Variants in COL6A3 observed in about 807,000 individuals in gnomAD.
COL6A3 encodes collagen alpha-3(VI) chain.
COL6A3 carries 137 observed loss-of-function variants against 274.1 expected under a neutral mutation model. The observed-to-expected ratio is 0.50, with a 90% CI of 0.44 to 0.58. The LOEUF is 0.58. Among genes scored for constraint, COL6A3 ranks in the 20% least tolerant of loss-of-function variants. COL6A3 has a pLI of 0.00. For synonymous variants in COL6A3, 1,650 were observed against 1,650.6 expected, an observed-to-expected ratio of 1.00 and a Z score of 0.01; for missense variants, 3,950 against 4,124.9, an observed-to-expected ratio of 0.96 and a Z score of 1.16.
At chr2:237,336,053 T>C (rs1700524809) in intron 40 of COL6A3, 82 bp downstream of exon 40, 1 of 1,540,536 alleles carries the variant, frequency 6.5e-7, no homozygotes, top group Non-Finnish European at 8.9e-7. Flanking sequence ...CTGAGTGTGT[T>C]ACATGCAGGC....
At chr2:237,401,414 GT>G (rs2078586522) in intron 1 of COL6A3, among the ~76,000 whole-genome samples, 1 of 151,060 alleles carries the variant, frequency 6.6e-6, no homozygotes, top group African/African-American at 2.4e-5. Flanking sequence ...TAGTGCACAG[GT>G]TTTTTTCTTC....
rs113247852 is a variant in COL6A3, at chr2:237,372,156, G to A, written c.3861C>T (p.Asn1287=). The change falls in exon 9 of 44, where the codon AAC becomes AAT. Residue 1287 remains asparagine (N), a synonymous_variant. Coordinates refer to ENST00000295550, the MANE Select transcript of COL6A3 (RefSeq NM_004369.4). ...SDDPKVEFLL[N]AHSSKDEVQN... The stretch of plus-strand genomic sequence containing the variant: ...GCACTTCATCCTTGCTGGAATGGGC[G>A]TTCAGCAGGAACTCCACCTTGGGGT... 3.4e-5 allele frequency: 55 copies of A among 1,613,994 alleles called. No homozygotes were observed. Among genetic ancestry groups the A allele is most frequent in the East Asian group, 2.0e-4 (9 of 44,876 alleles).
intron 26 of COL6A3, 149 bp from the exon 27 acceptor site, chr2:237,351,341 G>A: frequency 1.4e-6 from 1 of 736,366 alleles, no homozygotes; most frequent in Non-Finnish European, 2.5e-6. Flanking sequence ...ACTCAGCTCT[G>A]AGCACGGGGC....
intron 6 of COL6A3, among the ~76,000 whole-genome samples, chr2:237,378,221 T>C (rs2077902661): frequency 6.6e-6 from 1 of 152,254 alleles, no homozygotes; most frequent in Non-Finnish European, 1.5e-5. Flanking sequence ...ATACAGCAGA[T>C]GTTGAACATT....
chr2:237,373,938 T>C (rs938197668), intron 8 of COL6A3, among the ~76,000 whole-genome samples: 8 of 152,160 alleles, frequency 5.3e-5, no homozygotes, highest in Non-Finnish European at 1.0e-4. Flanking sequence ...GTCAAAATTA[T>C]CTTCACACCT....
At chr2:237,380,819 T>C in intron 5 of COL6A3, 96 bp downstream of exon 5, 2 of 1,143,870 alleles carry the variant, frequency 1.7e-6, no homozygotes, top group Middle Eastern at 2.8e-4. Context: ...ATTTGTTGTC[T>C]CTTAGCTAAA....
At chr2:237,346,367 G>A (rs2077097210) in intron 32 of COL6A3, 136 bp downstream of exon 32, 1 of 737,604 alleles carries the variant, frequency 1.4e-6, no homozygotes, top group African/African-American at 1.8e-5. Flanking sequence ...TGATGTCAGA[G>A]AGGCGGTTTG....
intron 42 of COL6A3, among the ~76,000 whole-genome samples, chr2:237,331,976 G>A (rs1700249849): frequency 6.8e-6 from 1 of 146,340 alleles, no homozygotes; most frequent in African/African-American, 2.5e-5. Context: ...ATCACAGGTA[G>A]ACAGGCGATC....
Position 237,371,630 on chromosome 2 carries a change from C to A in COL6A3, c.4285+102G>T. 2 of 1,510,122 alleles carry A rather than the reference C, an allele frequency of 1.3e-6. No homozygotes were observed. The highest frequency in any genetic ancestry group is 1.4e-5 in the South Asian group (1 of 72,938). 93.5% of individuals were successfully genotyped at this position (1,510,122 alleles called of 1,614,324 possible). A position where few individuals can be genotyped will look rare whatever the true frequency, so the allele number is the denominator to read the frequency against. On this transcript the variant is annotated intron_variant, in intron 9 of 43. Coordinates refer to ENST00000295550, the MANE Select transcript of COL6A3 (RefSeq NM_004369.4). The surrounding 1 kb of genome is among the most constrained non-coding windows in gnomAD (Gnocchi z 4.3). ...AAACCATAAAGGTAAGGGCATACAA[C>A]CTTTATTTTAATTTAATTTATTATG... is the stretch of plus-strand genomic sequence containing the variant.
chr2:237,350,919 T>C (rs1002797835), intron 27 of COL6A3, among the ~76,000 whole-genome samples: 1 of 152,078 alleles, frequency 6.6e-6, no homozygotes, highest in Non-Finnish European at 1.5e-5. Flanking sequence ...TGAGCAGAGA[T>C]GGTTGGTGGC....
intron 16 of COL6A3, among the ~76,000 whole-genome samples, chr2:237,360,546 G>C (rs1433022859): frequency 6.6e-6 from 1 of 152,120 alleles, no homozygotes; most frequent in Non-Finnish European, 1.5e-5. Context: ...CTGGGCCCTG[G>C]TGACCACACT....
intron 9 of COL6A3, among the ~76,000 whole-genome samples, chr2:237,370,229 T>C (rs1027109058): frequency 6.6e-6 from 1 of 151,082 alleles, no homozygotes; most frequent in African/African-American, 2.4e-5. Flanking sequence ...TTCTATTAAA[T>C]AACTGGTTTA....
intron 28 of COL6A3, 102 bp from the exon 29 acceptor site, chr2:237,348,765 C>T: frequency 3.9e-6 from 4 of 1,017,850 alleles, no homozygotes; most frequent in African/African-American, 3.1e-5. Context: ...TCCTTGAGCT[C>T]CTGAAATGTT....
rs776312405 is a variant in COL6A3 at position 237,374,516 on chromosome 2, C to T, written c.3575G>A (p.Arg1192His). 5 of 1,614,006 alleles carry T rather than the reference C, an allele frequency of 3.1e-6. No homozygotes were observed. The highest frequency in any genetic ancestry group is 2.2e-5 in the East Asian group (1 of 44,882). The change falls in exon 8 of 44, where the codon CGC becomes CAC. Residue 1192 changes from arginine to histidine, a missense_variant. This residue lies in a region of COL6A3 where 1,934 missense variants were observed against 1,984.3 expected (regional missense o/e 0.97). Coordinates refer to ENST00000295550, the MANE Select transcript of COL6A3 (RefSeq NM_004369.4). This position sits in a 1 kb window ranked among gnomAD's most constrained non-coding sequence, Gnocchi z 4.8. ...PDFAVAIPTFRQLGTVQQVIS... is the reference protein window; with the variant it reads ...PDFAVAIPTFHQLGTVQQVIS... ...GACCTGTTGGACGGTCCCCAGCTGG[C>T]GAAAGGTGGGAATGGCCACGGCAAA...
rs1178130092 is a variant in COL6A3, at chr2:237,396,844, G to A, written c.-27C>T. On this transcript the variant is annotated 5_prime_UTR_variant, in exon 2 of 44. Coordinates refer to ENST00000295550, the MANE Select transcript of COL6A3 (RefSeq NM_004369.4). ...TTGAATTTGTCTAAGCACCAAATATGAACCTAAAAGAGAAAACAGGGCAAA... is the reference window on the plus strand; with the variant it reads ...TTGAATTTGTCTAAGCACCAAATATAAACCTAAAAGAGAAAACAGGGCAAA... 2 of 1,602,364 alleles carry A rather than the reference G, an allele frequency of 1.2e-6. No homozygotes were observed. The highest frequency in any genetic ancestry group is 1.7e-6 in the Non-Finnish European group (2 of 1,169,446).
chr2:237,381,493 T>A lies in COL6A3; in HGVS notation c.1319A>T (p.Glu440Val). The change falls in exon 5 of 44, where the codon GAA becomes GTA. Residue 440 changes from glutamate (E) to valine (V), a missense_variant. Around this residue, in one of 5 missense-constraint regions of COL6A3, gnomAD observed 1,934 missense variants for 1,984.3 expected, o/e 0.97. Coordinates refer to ENST00000295550, the MANE Select transcript of COL6A3 (RefSeq NM_004369.4). ...GAAGACTATGTCTCTCTTGTTGACT[T>A]CAATGACTGTAGGTGGCAACATTAT... is the stretch of plus-strand genomic sequence containing the variant. ...KPPTIVTQVI[E>V]VNKRDIVFLV... 1 of 1,601,442 alleles carries A rather than the reference T, an allele frequency of 6.2e-7. No individual in the cohort carries two copies. Among genetic ancestry groups the A allele is most frequent in the Non-Finnish European group, 8.5e-7 (1 of 1,179,388 alleles).
chr2:237,350,193 G>C lies in COL6A3; in HGVS notation c.6833C>G (p.Pro2278Arg). ...PLGRKGEPGEPGPKGGIGNRG... is the reference protein window; with the variant it reads ...PLGRKGEPGERGPKGGIGNRG... ...GTTCCCGATTCCTCCTTTTGGTCCT[G>C]GCTCTCCGGGCTCACCCTAGACATG... is the stretch of plus-strand genomic sequence containing the variant. Residue 2278 changes from proline (P) to arginine (R), a missense_variant, in exon 28 of 44, where the codon CCA becomes CGA. Coordinates refer to ENST00000295550, the MANE Select transcript of COL6A3 (RefSeq NM_004369.4). The C allele has an allele frequency of 6.2e-7, 1 of 1,614,036 alleles. No individual in the cohort carries two copies. Among genetic ancestry groups the C allele is most frequent in the Non-Finnish European group, 8.5e-7 (1 of 1,179,952 alleles).
At chr2:237,360,378 T>C (rs922332612) in intron 16 of COL6A3, among the ~76,000 whole-genome samples, 4 of 152,068 alleles carry the variant, frequency 2.6e-5, no homozygotes, top group Admixed American at 6.5e-5. Flanking sequence ...GAATGAGATC[T>C]GGGAGGGTAG....
At chr2:237,363,179 A>T in intron 14 of COL6A3, 74 bp downstream of exon 14, 1 of 1,489,784 alleles carries the variant, frequency 6.7e-7, no homozygotes, top group Non-Finnish European at 9.3e-7. Flanking sequence ...CTGATAATTA[A>T]CTTCATTCTC....
Sources: allele counts gnomAD v4.1 joint callset (sites outside exome capture counted in the v4.1 genomes callset), GRCh38; gene constraint gnomAD v4.1.1; regional missense constraint gnomAD v4.1.1; non-coding constraint Gnocchi (gnomAD v3.1); transcripts MANE v1.5; gene names NCBI Gene and HGNC (gene_info 2026-07-23, HGNC 2026-07-21).